Variants in TMEM266 observed in about 807,000 individuals in gnomAD.
TMEM266 encodes the protein Hv1 related protein 1.
In TMEM266, 33 loss-of-function variants were observed where a neutral mutation model predicts 50.5. The ratio of observed to expected loss-of-function variants is 0.65; its 90% confidence interval spans 0.50 to 0.87. The LOEUF is 0.87. Among genes scored for constraint, TMEM266 ranks in the 40% least tolerant of loss-of-function variants. TMEM266 has a pLI of 0.00. For missense variants in TMEM266, 655 were observed against 695.1 expected (o/e 0.94, Z 0.65); for synonymous variants, 310 against 292.3 (o/e 1.06, Z -0.62).
At chr15:76,194,330 C>T (rs1448794837) in intron 9 of TMEM266, among the ~76,000 whole-genome samples, 1 of 152,236 alleles carries the variant, frequency 6.6e-6, no homozygotes, top group Non-Finnish European at 1.5e-5. Flanking sequence ...TCATCTTCAT[C>T]GTTCAGCCTT....
rs1185120933 is a variant in TMEM266, at chr15:76,068,932, G to T, written c.-97+8916G>T. Among the ~76,000 whole-genome samples, 5 of 152,286 alleles carry T rather than the reference G, an allele frequency of 3.3e-5. No individual in the cohort carries two copies. The East Asian group carries it at 9.6e-4, about 29-fold the overall frequency. ...ATGAGTGGCAGGGCTGGAACATAGT[G>T]CCTGTGCTTCGTGACTCCTAGCCCA... is the stretch of plus-strand genomic sequence containing the variant. On this transcript the variant is annotated intron_variant, in intron 1 of 10. Transcript: ENST00000388942.
chr15:76,135,864 C>T lies in TMEM266; in HGVS notation c.38+1563C>T, dbSNP rs189429802. 3.2e-3 allele frequency among the ~76,000 whole-genome samples: 492 copies of T among 152,156 alleles called. 1 individual carries two copies. The highest frequency in any genetic ancestry group is 6.8e-3 in the Middle Eastern group (2 of 294). The stretch of plus-strand genomic sequence containing the variant: ...CATTCAAATAAAAATCTCACTTTCT[C>T]CTTAGTTATCGGATAATCCAAGCAA... On this transcript the variant is annotated intron_variant, in intron 2 of 10. Coordinates refer to ENST00000388942, the MANE Select transcript of TMEM266 (RefSeq NM_152335.3).
rs566626767 is a variant in TMEM266 at position 76,200,083 on chromosome 15, G to A, written c.959-2119G>A. The stretch of plus-strand genomic sequence containing the variant: ...CTGGAAGGCCCCGACTGTGCTCCCC[G>A]CAGACAGGGACTCCTGGGCTCAATA... On this transcript the variant is annotated intron_variant, in intron 9 of 10. Transcript: ENST00000388942. Among the ~76,000 whole-genome samples, 287 of 152,230 alleles carry A rather than the reference G, an allele frequency of 1.9e-3. 1 individual carries two copies. Among genetic ancestry groups the A allele is most frequent in the African/African-American group, 6.6e-3 (275 of 41,532 alleles).
At position 76,160,699 on chromosome 15, in the gene TMEM266, G is replaced by A. The variant is rs1471878404; in HGVS notation, c.456+531G>A. Among the ~76,000 whole-genome samples, 1 of 152,236 alleles carries A rather than the reference G, an allele frequency of 6.6e-6. No homozygotes were observed. Among genetic ancestry groups the A allele is most frequent in the Non-Finnish European group, 1.5e-5 (1 of 68,034 alleles). On this transcript the variant is annotated intron_variant, in intron 5 of 10. Transcript: ENST00000388942. The surrounding 1 kb of genome is among the most constrained non-coding windows in gnomAD (Gnocchi z 5.7). ...GGCCCTGGGTCTGACAGGGCCGAAA[G>A]ATGTGCCTCTCAGTGTGAGTGCGAG...
At position 76,204,113 on chromosome 15, in the gene TMEM266, GGCCCA is replaced by G. The variant is rs759549249; in HGVS notation, c.1402_1406del (p.Pro468GlyfsTer61). ...GCCTTGGACCCAGCCCCCCTCGCCC[GGCCCA>G]GCCCAGCGGGCTCGGCCCAAACCAG... is the stretch of plus-strand genomic sequence containing the variant. On this transcript the variant is annotated frameshift_variant, in exon 11 of 11. Transcript: ENST00000388942. LOFTEE classifies it high-confidence loss of function. The G allele has an allele frequency of 6.2e-6, 10 of 1,612,768 alleles. No homozygotes were observed. The highest frequency in any genetic ancestry group is 8.5e-6 in the Non-Finnish European group (10 of 1,179,624).
intron 7 of TMEM266, chr15:76,174,970 G>A (rs575907794): frequency 2.0e-5 from 3 of 152,618 alleles, no homozygotes; most frequent in Non-Finnish European, 4.4e-5. Context: ...TAGGAATAAT[G>A]CTGTTATGAA....
chr15:76,097,299 A>G (rs1358763351), intron 1 of TMEM266, among the ~76,000 whole-genome samples: 1 of 152,004 alleles, frequency 6.6e-6, no homozygotes, highest in Non-Finnish European at 1.5e-5. Context: ...GCTCTAAGGC[A>G]GTCCTGATGG....
intron 1 of TMEM266, among the ~76,000 whole-genome samples, chr15:76,080,084 C>T (rs552277251): frequency 2.7e-5 from 4 of 150,830 alleles, no homozygotes; most frequent in Non-Finnish European, 3.0e-5. Flanking sequence ...TAAGATCCTT[C>T]GGCCAGGCGT....
At chr15:76,075,097 T>G (rs1210359354) in intron 1 of TMEM266, among the ~76,000 whole-genome samples, 1 of 152,094 alleles carries the variant, frequency 6.6e-6, no homozygotes, top group Non-Finnish European at 1.5e-5. Flanking sequence ...AGACATGTAA[T>G]TGAAGATGTC....
At chr15:76,128,052 C>T (rs1248943946) in intron 1 of TMEM266, among the ~76,000 whole-genome samples, 1 of 152,194 alleles carries the variant, frequency 6.6e-6, no homozygotes, top group Non-Finnish European at 1.5e-5. Context: ...ATGTCAGAAA[C>T]ACCTGGGAAA....
chr15:76,165,211 AG>A (rs1187959211), intron 5 of TMEM266, among the ~76,000 whole-genome samples: 1 of 152,204 alleles, frequency 6.6e-6, no homozygotes, highest in Non-Finnish European at 1.5e-5. Context: ...CAGAGAAGTC[AG>A]CTTTTGCTTC....
At chr15:76,170,442 CCGATGGATGGCTCAGAACACG>C (rs2038169711) in intron 6 of TMEM266, among the ~76,000 whole-genome samples, 1 of 152,238 alleles carries the variant, frequency 6.6e-6, no homozygotes, top group South Asian at 2.1e-4. Flanking sequence ...GTGGGCCTGG[CCGATGGATGGCTCAGAACACG>C]GCCAGGCTGG....
intron 1 of TMEM266, among the ~76,000 whole-genome samples, chr15:76,074,127 T>G (rs2036573686): frequency 6.6e-6 from 1 of 152,152 alleles, no homozygotes. Flanking sequence ...GGAAATGCTT[T>G]TTTGCATTAA....
chr15:76,195,080 C>G (rs1304483441), intron 9 of TMEM266, among the ~76,000 whole-genome samples: 1 of 152,156 alleles, frequency 6.6e-6, no homozygotes, highest in African/African-American at 2.4e-5. Flanking sequence ...TCTCTGCATG[C>G]TGTTCATGGG....
At chr15:76,127,903 G>A (rs750254944) in intron 1 of TMEM266, among the ~76,000 whole-genome samples, 32 of 152,010 alleles carry the variant, frequency 2.1e-4, no homozygotes, top group Non-Finnish European at 3.8e-4. Flanking sequence ...GTACATTTTC[G>A]AACACTCCAG....
chr15:76,197,060 C>G (rs950098078), intron 9 of TMEM266, among the ~76,000 whole-genome samples: 1 of 152,362 alleles, frequency 6.6e-6, no homozygotes, highest in Middle Eastern at 3.4e-3. Context: ...TCCAGAGACA[C>G]TGCCGCAGGG....
intron 5 of TMEM266, among the ~76,000 whole-genome samples, chr15:76,162,770 C>T (rs997522029): frequency 2.0e-5 from 3 of 152,182 alleles, no homozygotes; most frequent in African/African-American, 4.8e-5. Flanking sequence ...AAAGTCCGAC[C>T]GAGTGATCAC....
chr15:76,187,832 A>G (rs1410759889), intron 8 of TMEM266, among the ~76,000 whole-genome samples: 1 of 152,174 alleles, frequency 6.6e-6, no homozygotes, highest in African/African-American at 2.4e-5. Flanking sequence ...GAAGCCAGGG[A>G]GTTGAACAGG....
Position 76,203,696 on chromosome 15 carries a change from G to A in TMEM266, c.1022-45G>A, listed in dbSNP as rs763000002. 23 of 1,563,778 alleles carry A rather than the reference G, an allele frequency of 1.5e-5. No homozygotes were observed. The African/African-American group carries it at 2.7e-4, about 18-fold the overall frequency. ...CCTGCTCTCTTCAGGGCCCCCAGGT[G>A]TGGCAGAGGTTGAAGTGTGACCAAG... is the stretch of plus-strand genomic sequence containing the variant. On this transcript the variant is annotated intron_variant, in intron 10 of 10. Transcript: ENST00000388942.
Sources: gnomAD v4.1 joint callset for allele counts (sites outside exome capture counted in the v4.1 genomes callset) on GRCh38, gnomAD v4.1.1 for gene constraint, Gnocchi (gnomAD v3.1) non-coding constraint, MANE v1.5 for transcripts, NCBI Gene and HGNC (gene_info 2026-07-23, HGNC 2026-07-21) for gene names.